The following KRT3 variants were observed in gnomAD, a reference collection of about 807,000 sequenced individuals.
The protein encoded by KRT3 is keratin, type II cytoskeletal 3.
KRT3 carries 34 observed loss-of-function variants against 45.8 expected under a neutral mutation model. The observed-to-expected ratio is 0.74, with a 90% CI of 0.57 to 0.99. The LOEUF (loss-of-function observed/expected upper bound fraction) is 0.99, where lower values mean the gene tolerates loss of function less well. Among genes scored for constraint, KRT3 ranks in the 50% least tolerant of loss-of-function variants. The pLI is 0.00. For synonymous variants in KRT3, 367 were observed against 329.0 expected (o/e 1.12, Z -1.25); for missense variants, 828 against 820.6 (o/e 1.01, Z -0.11).
Position 52,794,296 on chromosome 12 carries a change from C to T in KRT3, c.681G>A (p.Glu227=), listed in dbSNP as rs374170150. The part of the protein sequence containing the change: ...RFLEQQNKVL[E]TKWNLLQQQG... ...GCTGCTGGAGCAGGTTCCACTTGGT[C>T]TCCAGGACTTTGTTCTGTTGCTCCA... The change falls in exon 2 of 9, where the codon GAG becomes GAA. Residue 227 remains glutamate (E), a synonymous_variant. Coordinates refer to ENST00000417996, the MANE Select transcript of KRT3 (RefSeq NM_057088.3). 2.6e-5 allele frequency: 42 copies of T among 1,614,030 alleles called. No homozygotes were observed. Among genetic ancestry groups the T allele is most frequent in the Non-Finnish European group, 3.3e-5 (39 of 1,180,050 alleles).
intron 1 of KRT3, 26 bp downstream of exon 1, chr12:52,795,371 AG>A (rs574903392): frequency 1.0e-4 from 166 of 1,613,452 alleles, no homozygotes; most frequent in Non-Finnish European, 1.3e-4. Flanking sequence ...CAGCCCAGGA[AG>A]GGATGACCAG....
At position 52,792,695 on chromosome 12, in the gene KRT3, T is replaced by C. The variant is rs376517652; in HGVS notation, c.1023+16A>G. On this transcript the variant is annotated intron_variant, in intron 4 of 8. Coordinates refer to ENST00000417996, the MANE Select transcript of KRT3 (RefSeq NM_057088.3). Reference sequence around the variant, plus strand: ...TCACTCTCCCTCTGTCCCTTCTTAGTAGGTAACATCCTTACAGCGTCGTAG... The same window carrying C: ...TCACTCTCCCTCTGTCCCTTCTTAGCAGGTAACATCCTTACAGCGTCGTAG... 2.6e-6 allele frequency: 4 copies of C among 1,552,434 alleles called. No homozygotes were observed. The African/African-American group carries it at 5.4e-5, about 21-fold the overall frequency.
chr12:52,791,923 TAA>T, intron 5 of KRT3, 107 bp from the exon 6 acceptor site: 1 of 1,252,668 alleles, frequency 8.0e-7, no homozygotes, highest in Admixed American at 2.3e-5. Context: ...AGGCATTTGC[TAA>T]AATGATACTG....
At chr12:52,790,706 C>T (rs997188934) in intron 8 of KRT3, 132 bp downstream of exon 8, 2 of 866,170 alleles carry the variant, frequency 2.3e-6, no homozygotes, top group African/African-American at 3.3e-5. Context: ...AAAAGCCAAT[C>T]ACTTCCCTCT....
chr12:52,795,312 T>C, intron 1 of KRT3, 86 bp downstream of exon 1: 2 of 1,527,304 alleles, frequency 1.3e-6, no homozygotes, highest in Non-Finnish European at 1.8e-6. Flanking sequence ...GTCTGGCCTA[T>C]CCAAGAAACA....
intron 8 of KRT3, 139 bp downstream of exon 8, chr12:52,790,699 A>G (rs1315057986): frequency 1.2e-6 from 1 of 841,204 alleles, no homozygotes; most frequent in Non-Finnish European, 2.0e-6. Flanking sequence ...CAATTACAAA[A>G]GCCAATCACT....
At position 52,790,126 on chromosome 12, in the gene KRT3, G is replaced by A. The variant is rs1323327414; in HGVS notation, c.1803C>T (p.Gly601=). The change falls in exon 9 of 9, where the codon GGC becomes GGT. Residue 601 remains glycine, a synonymous_variant. Transcript: ENST00000417996. The part of the protein sequence containing the change: ...SISGARYGVS[G]GGFSSASNRG... ...GGTTGCTGGCCGAGCTGAAGCCCCC[G>A]CCACTGACTCCATAGCGGGCGCCAG... The A allele has an allele frequency of 1.3e-6, 2 of 1,546,260 alleles. No individual in the cohort carries two copies. The highest frequency in any genetic ancestry group is 1.4e-5 in the African/African-American group (1 of 73,078).
chr12:52,790,249 T>C lies in KRT3; in HGVS notation c.1680A>G (p.Ser560=), dbSNP rs375768900. The change falls in exon 9 of 9, where the codon TCA becomes TCG. Residue 560 remains serine, a synonymous_variant. Transcript: ENST00000417996. ...LGGGFSAGGG[S]GSGFGRGGGG... ...CGCCTCCCCGGCCAAAGCCACTGCCTGAGCCGCCGCCCGCACTGAAGCCAC... is the reference window on the plus strand; with the variant it reads ...CGCCTCCCCGGCCAAAGCCACTGCCCGAGCCGCCGCCCGCACTGAAGCCAC... 4.5e-6 allele frequency: 7 copies of C among 1,550,536 alleles called. No homozygotes were observed. The highest frequency in any genetic ancestry group is 4.1e-5 in the African/African-American group (3 of 73,018).
In KRT3 at chr12:52,792,338, G is replaced by A. The variant is rs4432093; in HGVS notation, c.1089C>T (p.Arg363=). ...CAATGATGCTGTCCAGGTCCAGGGAGCGATTATTGTCCATGGACAGCACCA... is the reference window on the plus strand; with the variant it reads ...CAATGATGCTGTCCAGGTCCAGGGAACGATTATTGTCCATGGACAGCACCA... ...TSVVLSMDNN[R]SLDLDSIIAE... The change falls in exon 5 of 9, where the codon CGC becomes CGT. Residue 363 remains arginine (R), a synonymous_variant. Transcript: ENST00000417996. 1,305,792 of 1,613,046 alleles carry A rather than the reference G, an allele frequency of 0.81. 530,689 individuals carry two copies. Among genetic ancestry groups the A allele is most frequent in the East Asian group, 0.88 (39,401 of 44,864 alleles).
In KRT3 at chr12:52,790,240, G is replaced by A. The variant is rs1309315920; in HGVS notation, c.1689C>T (p.Gly563=). 4.5e-6 allele frequency: 7 copies of A among 1,550,032 alleles called. No individual in the cohort carries two copies. Among genetic ancestry groups the A allele is most frequent in the Non-Finnish European group, 6.1e-6 (7 of 1,146,600 alleles). The change falls in exon 9 of 9, where the codon GGC becomes GGT. Residue 563 remains glycine (G), a synonymous_variant. Transcript: ENST00000417996. Reference sequence around the variant, plus strand: ...TTCCACCGCCGCCTCCCCGGCCAAAGCCACTGCCTGAGCCGCCGCCCGCAC... The same window carrying A: ...TTCCACCGCCGCCTCCCCGGCCAAAACCACTGCCTGAGCCGCCGCCCGCAC... ...GFSAGGGSGS[G]FGRGGGGGIG...
chr12:52,795,389 C>T lies in KRT3; in HGVS notation c.645+9G>A. On this transcript the variant is annotated intron_variant, in intron 1 of 8. Transcript: ENST00000417996. ...CCCAGGAAGGGATGACCAGTCAAAG[C>T]TTCATTACCTTGTCAATGAAGGAGG... 6.2e-7 allele frequency: 1 copy of T among 1,614,044 alleles called. No individual in the cohort carries two copies. The highest frequency in any genetic ancestry group is 1.7e-5 in the Admixed American group (1 of 60,024).
rs373468680 is a variant in KRT3 at position 52,795,493 on chromosome 12, T to C, written c.550A>G (p.Asn184Asp). Residue 184 changes from asparagine to aspartate, a missense_variant, in exon 1 of 9, where the codon AAT becomes GAT. By Grantham distance (23) the Asn-to-Asp change is conservative. Transcript: ENST00000417996. ...CCAATCTGGGGGTCGATCTCCACAT[T>C]GAGGGGCTGCAGGAGACTCTGGTTG... The part of the protein sequence containing the change: ...TINQSLLQPL[N>D]VEIDPQIGQV... 4.3e-6 allele frequency: 7 copies of C among 1,614,166 alleles called. No individual in the cohort carries two copies. Among genetic ancestry groups the C allele is most frequent in the Middle Eastern group, 1.6e-4 (1 of 6,062 alleles).
At position 52,795,457 on chromosome 12, in the gene KRT3, C is replaced by A; in HGVS notation, c.586G>T (p.Ala196Ser). Residue 196 changes from alanine (A) to serine (S), a missense_variant, in exon 1 of 9, where the codon GCC (alanine) becomes TCC (serine). Ala to Ser is a moderately conservative substitution (Grantham distance 99). Transcript: ENST00000417996. ...EIDPQIGQVK[A>S]QEREQIKTLN... ...GTCTTGATCTGTTCCCGCTCCTGGGCCTTTACTTGCCCAATCTGGGGGTCG... is the reference window on the plus strand; with the variant it reads ...GTCTTGATCTGTTCCCGCTCCTGGGACTTTACTTGCCCAATCTGGGGGTCG... 6.2e-7 allele frequency: 1 copy of A among 1,614,096 alleles called. No individual in the cohort carries two copies. The highest frequency in any genetic ancestry group is 8.5e-7 in the Non-Finnish European group (1 of 1,180,006).
chr12:52,791,244 G>T lies in KRT3; in HGVS notation c.1497C>A (p.Ile499=), dbSNP rs764850228. 2 of 1,614,194 alleles carry T rather than the reference G, an allele frequency of 1.2e-6. No homozygotes were observed. Among genetic ancestry groups the T allele is most frequent in the South Asian group, 2.2e-5 (2 of 91,082 alleles). The change falls in exon 7 of 9, where the codon ATC becomes ATA. Residue 499 remains isoleucine (I), a synonymous_variant. Coordinates refer to ENST00000417996, the MANE Select transcript of KRT3 (RefSeq NM_057088.3). ...CCTCCAGCAGCTTGCGGTAGGTGGC[G>T]ATCTCCACGTCCAGGGCCAGCTTGA... is the stretch of plus-strand genomic sequence containing the variant. ...MNVKLALDVE[I]ATYRKLLEGE...
intron 5 of KRT3, 72 bp from the exon 6 acceptor site, chr12:52,791,888 C>T: frequency 6.6e-7 from 1 of 1,516,350 alleles, no homozygotes. Context: ...CCAACATCAC[C>T]CACCAAACCT....
intron 2 of KRT3, among the ~76,000 whole-genome samples, chr12:52,793,748 C>T (rs1181213679): frequency 2.0e-5 from 3 of 152,158 alleles, no homozygotes; most frequent in Non-Finnish European, 4.4e-5. Flanking sequence ...TGTGCCACCA[C>T]ACCCAGCTAA....
Position 52,790,272 on chromosome 12 carries a change from C to T in KRT3, c.1657G>A (p.Gly553Ser), listed in dbSNP as rs772789743. Reference sequence around the variant, plus strand: ...CCTGAGCCGCCGCCCGCACTGAAGCCACCTCCTAAACCACCGCCCATGCCT... The same window carrying T: ...CCTGAGCCGCCGCCCGCACTGAAGCTACCTCCTAAACCACCGCCCATGCCT... ...GGGMGGGLGG[G>S]FSAGGGSGSG... The change falls in exon 9 of 9, where the codon GGC (glycine) becomes AGC (serine). Residue 553 changes from glycine to serine, a missense_variant. Coordinates refer to ENST00000417996, the MANE Select transcript of KRT3 (RefSeq NM_057088.3). 2.9e-5 allele frequency: 45 copies of T among 1,553,182 alleles called. No homozygotes were observed. The African/African-American group carries it at 6.0e-4, about 21-fold the overall frequency.
chr12:52,792,163 C>T, intron 5 of KRT3, 76 bp downstream of exon 5: 1 of 1,282,188 alleles, frequency 7.8e-7, no homozygotes, highest in Non-Finnish European at 1.1e-6. Context: ...ACTGGGAACT[C>T]ACTACCCAGC....
rs1281075837 is a variant in KRT3 at position 52,790,364 on chromosome 12, G to A, written c.1571-6C>T. The stretch of plus-strand genomic sequence containing the variant: ...CGTGCTGCTGCTGACCACGGCTGTG[G>A]GGGAGAGGACAGGACAGCGATCAGC... On this transcript the variant is annotated splice_region_variant and splice_polypyrimidine_tract_variant and intron_variant, in intron 8 of 8. Coordinates refer to ENST00000417996, the MANE Select transcript of KRT3 (RefSeq NM_057088.3). 3 of 1,593,086 alleles carry A rather than the reference G, an allele frequency of 1.9e-6. No individual in the cohort carries two copies. The highest frequency in any genetic ancestry group is 2.6e-6 in the Non-Finnish European group (3 of 1,169,560).
Sources: allele counts gnomAD v4.1 joint callset (sites outside exome capture counted in the v4.1 genomes callset), GRCh38; gene constraint gnomAD v4.1.1; transcripts MANE v1.5; gene names NCBI Gene and HGNC (gene_info 2026-07-23, HGNC 2026-07-21).